ENTREP2: variants seen among roughly 807,000 people sequenced by gnomAD.
ENTREP2 encodes protein ENTREP2.
the ENTREP2 span, among the ~76,000 whole-genome samples, chr15:29,600,483 C>CAATCATCATCATT: frequency 3.8e-4 from 57 of 150,488 alleles, no homozygotes; most frequent in African/African-American, 1.3e-3. Context: ...TCATCATCAT[C>CAATCATCATCATT]GTCATCTCAT....
chr15:29,293,658 G>C, the ENTREP2 span, among the ~76,000 whole-genome samples: 340 of 152,278 alleles, frequency 2.2e-3, 3 homozygotes, highest in Non-Finnish European at 2.5e-3. Context: ...TGTGGGCATC[G>C]CTCTGTCCAG....
chr15:29,131,422 C>T, the ENTREP2 span, among the ~76,000 whole-genome samples: 2 of 151,642 alleles, frequency 1.3e-5, no homozygotes, highest in South Asian at 2.1e-4. Context: ...CACTGGGTCG[C>T]ACCCAAGACG....
chr15:29,412,203 C>T, the ENTREP2 span, among the ~76,000 whole-genome samples: 1 of 151,662 alleles, frequency 6.6e-6, no homozygotes, highest in Non-Finnish European at 1.5e-5. Flanking sequence ...GACTAGCTCT[C>T]TCAATATGGT....
At chr15:29,570,408 C>A in the ENTREP2 span, 1 of 835,478 alleles carries the variant, frequency 1.2e-6, no homozygotes. Context: ...GCCGCCGGAA[C>A]TTGCCGCCCG....
chr15:29,324,148 T>G, the ENTREP2 span, among the ~76,000 whole-genome samples: 2 of 152,216 alleles, frequency 1.3e-5, no homozygotes, highest in African/African-American at 4.8e-5. Flanking sequence ...TGGCCCAGGC[T>G]AGAGTGCAGT....
chr15:29,304,503 C>G, the ENTREP2 span, among the ~76,000 whole-genome samples: 1 of 152,170 alleles, frequency 6.6e-6, no homozygotes, highest in Admixed American at 6.5e-5. Context: ...CAAAACCATA[C>G]GACTACATGG....
At chr15:29,394,878 ATCTC>A in the ENTREP2 span, among the ~76,000 whole-genome samples, 745 of 42,920 alleles carry the variant, frequency 0.017, 10 homozygotes, top group African/African-American at 0.03. Flanking sequence ...ATGTGTCAGA[ATCTC>A]TTTTTTTTTT....
chr15:29,286,777 G>C, the ENTREP2 span, among the ~76,000 whole-genome samples: 2 of 152,218 alleles, frequency 1.3e-5, no homozygotes, highest in African/African-American at 2.4e-5. Context: ...TTATGTAATT[G>C]AGTGTCCTGT....
the ENTREP2 span, among the ~76,000 whole-genome samples, chr15:29,395,104 G>C: frequency 2.0e-5 from 3 of 151,000 alleles, no homozygotes; most frequent in East Asian, 5.9e-4. Flanking sequence ...TAGCCAGGAT[G>C]GTCTCGATCT....
At chr15:29,587,138 C>CGTGT in the ENTREP2 span, among the ~76,000 whole-genome samples, 1,109 of 123,996 alleles carry the variant, frequency 8.9e-3, 22 homozygotes, top group Middle Eastern at 0.032. Flanking sequence ...TGTAGCTAAC[C>CGTGT]GTGTGTGTGT....
the ENTREP2 span, among the ~76,000 whole-genome samples, chr15:29,503,814 G>A: frequency 6.6e-6 from 1 of 151,990 alleles, no homozygotes; most frequent in Non-Finnish European, 1.5e-5. Flanking sequence ...TCAACTGTGT[G>A]GTATATTTCA....
chr15:29,607,304 C>CTTTTTTT, the ENTREP2 span, among the ~76,000 whole-genome samples: 5 of 131,796 alleles, frequency 3.8e-5, no homozygotes, highest in African/African-American at 1.4e-4. Context: ...CTCTTCATTT[C>CTTTTTTT]TTTTTTTTTT....
chr15:29,577,313 GGTGTGTGTGTGTGTGT>G, the ENTREP2 span, among the ~76,000 whole-genome samples: 4 of 139,904 alleles, frequency 2.9e-5, no homozygotes, highest in South Asian at 4.7e-4. Flanking sequence ...GACTCAAAGA[GGTGTGTGTGTGTGTGT>G]GTGTGTGTGT....
chr15:29,271,880 A>AAT, the ENTREP2 span, among the ~76,000 whole-genome samples: 2 of 152,104 alleles, frequency 1.3e-5, no homozygotes, highest in Non-Finnish European at 2.9e-5. Context: ...TTGAGTCAAA[A>AAT]AAGTTCAGTG....
At chr15:29,252,231 C>A in the ENTREP2 span, 1 of 516,794 alleles carries the variant, frequency 1.9e-6, no homozygotes, top group South Asian at 4.1e-5. Flanking sequence ...ACCTAAATAC[C>A]CTAAACTAGA....
At chr15:29,251,744 C>CTTTTT in the ENTREP2 span, among the ~76,000 whole-genome samples, 2 of 97,858 alleles carry the variant, frequency 2.0e-5, no homozygotes, top group Admixed American at 1.2e-4. Context: ...TTTTTTGTGA[C>CTTTTT]TTTTTTTTTT....
chr15:29,332,053 A>G, the ENTREP2 span, among the ~76,000 whole-genome samples: 2,989 of 152,342 alleles, frequency 0.02, 129 homozygotes, highest in African/African-American at 0.069. Context: ...AATCCGTGTC[A>G]ATAATTTAGG....
At chr15:29,425,117 C>T in the ENTREP2 span, among the ~76,000 whole-genome samples, 1 of 152,148 alleles carries the variant, frequency 6.6e-6, no homozygotes, top group South Asian at 2.1e-4. Context: ...CAAGCTCCAC[C>T]TCCAGGGTTC....
the ENTREP2 span, among the ~76,000 whole-genome samples, chr15:29,475,542 C>G: frequency 6.6e-6 from 1 of 152,124 alleles, no homozygotes; most frequent in Non-Finnish European, 1.5e-5. Flanking sequence ...AAAAACACAA[C>G]CCAGTGGGCA....
Sources: gnomAD v4.1 joint callset for allele counts (sites outside exome capture counted in the v4.1 genomes callset) on GRCh38, gnomAD v4.1.1 for gene constraint, MANE v1.5 for transcripts, NCBI Gene and HGNC (gene_info 2026-07-23, HGNC 2026-07-21) for gene names.